The following DMD variants were observed in gnomAD, a reference collection of about 807,000 sequenced individuals.
DMD encodes the protein mutant dystrophin.
In DMD, 63 loss-of-function variants were observed where a neutral mutation model predicts 330.1. The ratio of observed to expected loss-of-function variants is 0.19; its 90% CI spans 0.16 to 0.24. The LOEUF (loss-of-function observed/expected upper bound fraction) is 0.24. DMD is among the 10% of genes least tolerant of loss of function. The pLI is 1.00. For missense variants in DMD, 3,344 were observed against 2,684.1 expected (o/e 1.25, Z -5.43); for synonymous variants, 1,223 against 959.8 (o/e 1.27, Z -5.07).
intron 60 of DMD, among the ~76,000 whole-genome samples, chrX:31,391,820 G>A (rs770607815): frequency 3.6e-4 from 40 of 110,563 alleles, no homozygotes; most frequent in African/African-American, 1.2e-3. Flanking sequence ...GCAGTGAGCC[G>A]AGATCACGCC....
intron 1 of DMD, among the ~76,000 whole-genome samples, chrX:33,108,881 A>AAAAAAAAAG (rs1201118214): frequency 2.0e-5 from 2 of 99,687 alleles, no homozygotes; most frequent in African/African-American, 6.9e-5. Flanking sequence ...AAAAAAAAAA[A>AAAAAAAAAG]AAGAAGAAGA....
intron 60 of DMD, among the ~76,000 whole-genome samples, chrX:31,408,891 C>T (rs1406943954): frequency 9.0e-6 from 1 of 111,609 alleles, no homozygotes; most frequent in African/African-American, 3.3e-5. Flanking sequence ...CCCATTAACT[C>T]ATCATTTAGC....
chrX:31,378,304 A>C (rs757192934), intron 60 of DMD, among the ~76,000 whole-genome samples: 1 of 110,993 alleles, frequency 9.0e-6, no homozygotes, highest in African/African-American at 3.3e-5. Context: ...GGAACATCAC[A>C]CCAATTTTAA....
At chrX:31,616,552 T>C (rs1161688798) in intron 55 of DMD, among the ~76,000 whole-genome samples, 1 of 112,082 alleles carries the variant, frequency 8.9e-6, no homozygotes, top group Non-Finnish European at 1.9e-5. Context: ...GGGAGTCATA[T>C]ATTATTTTCG....
intron 1 of DMD, among the ~76,000 whole-genome samples, chrX:33,052,382 T>C (rs2094467546): frequency 8.9e-6 from 1 of 112,212 alleles, no homozygotes; most frequent in Non-Finnish European, 1.9e-5. Context: ...TTTTCTCCCC[T>C]AGAATTAGCT....
In DMD at chrX:31,343,977, A is replaced by AT. The variant is rs199499654; in HGVS notation, c.9163+4578dup. On this transcript the variant is annotated intron_variant, in intron 61 of 78. Coordinates refer to ENST00000357033, the MANE Select transcript of DMD (RefSeq NM_004006.3). ...GAGATGTCCTGCTTCAAATATGGTG[A>AT]TTTTTTTTTTTTTTTTAAATTTAGG... 8.5e-3 allele frequency among the ~76,000 whole-genome samples: 710 copies of AT among 83,636 alleles called. 8 individuals carry two copies. Among genetic ancestry groups the AT allele is most frequent in the African/African-American group, 0.025 (579 of 23,281 alleles). The allele number at this position is 83,636 out of a possible 115,157, so 72.6% of individuals were successfully genotyped here. A position where few individuals can be genotyped will look rare whatever the true frequency, so the allele number is the denominator to read the frequency against.
At chrX:32,894,589 T>C (rs1232593899) in intron 2 of DMD, among the ~76,000 whole-genome samples, 1 of 112,639 alleles carries the variant, frequency 8.9e-6, no homozygotes, top group Non-Finnish European at 1.9e-5. Context: ...CTCAATCCGC[T>C]GTATGTATGG....
intron 2 of DMD, among the ~76,000 whole-genome samples, chrX:32,927,261 T>G (rs772309678): frequency 9.0e-6 from 1 of 111,148 alleles, no homozygotes; most frequent in South Asian, 3.8e-4. Flanking sequence ...ACTTGGCACA[T>G]GATAGGTTCT....
rs746472001 is a variant in DMD, at chrX:32,655,251, T to C, written c.961-10099A>G. ...TGTTAGGGTGTCAATTTTAGATCTTTCCTGCTTTCTCTTGTGGGCATTCAG... is the reference window on the plus strand; with the variant it reads ...TGTTAGGGTGTCAATTTTAGATCTTCCCTGCTTTCTCTTGTGGGCATTCAG... On this transcript the variant is annotated intron_variant, in intron 9 of 78. Transcript: ENST00000357033. Among the ~76,000 whole-genome samples, 6 of 112,508 alleles carry C rather than the reference T, an allele frequency of 5.3e-5. No individual in the cohort carries two copies. The East Asian group carries it at 1.7e-3, about 32-fold the overall frequency.
intron 62 of DMD, among the ~76,000 whole-genome samples, chrX:31,321,994 C>T (rs1395930356): frequency 9.0e-6 from 1 of 111,575 alleles, no homozygotes; most frequent in Non-Finnish European, 1.9e-5. Flanking sequence ...ACAATGGGAC[C>T]GGGGAGACCC....
intron 44 of DMD, among the ~76,000 whole-genome samples, chrX:32,071,423 C>G (rs1447869125): frequency 9.6e-6 from 1 of 104,659 alleles, no homozygotes; most frequent in African/African-American, 3.5e-5. Context: ...AAACCAAACA[C>G]CGCATGTTCT....
intron 1 of DMD, among the ~76,000 whole-genome samples, chrX:33,308,523 A>G (rs2053797649): frequency 8.9e-6 from 1 of 111,868 alleles, no homozygotes; most frequent in Non-Finnish European, 1.9e-5. Context: ...TTCCACAAAT[A>G]ACTCTTTAAA....
chrX:33,050,491 G>A (rs1394145194), intron 1 of DMD, among the ~76,000 whole-genome samples: 2 of 111,757 alleles, frequency 1.8e-5, no homozygotes, highest in African/African-American at 3.3e-5. Context: ...TATTCTGAAC[G>A]TGTGTACTTG....
chrX:32,519,757 T>C (rs1186352228), intron 17 of DMD, among the ~76,000 whole-genome samples: 2 of 112,299 alleles, frequency 1.8e-5, no homozygotes, highest in East Asian at 5.6e-4. Context: ...AACTCCAGTT[T>C]TGGGACTTTG....
chrX:32,501,985 A>C (rs1261436450), intron 18 of DMD, 143 bp from the exon 19 acceptor site: 9 of 472,233 alleles, frequency 1.9e-5, no homozygotes, highest in African/African-American at 1.7e-4. Context: ...TTTTCTCAAC[A>C]CTTTTGCCAT....
chrX:32,042,054 T>TATAC (rs1236188167), intron 44 of DMD, among the ~76,000 whole-genome samples: 1 of 83,441 alleles, frequency 1.2e-5, no homozygotes, highest in Non-Finnish European at 2.3e-5. Context: ...TATATATATA[T>TATAC]ATATATATAT....
chrX:32,664,248 T>G (rs867617005), intron 9 of DMD, among the ~76,000 whole-genome samples: 1,083 of 100,475 alleles, frequency 0.011, 18 homozygotes, highest in African/African-American at 0.038. Context: ...GTTTTTTTTT[T>G]TTTTTTTTTT....
intron 51 of DMD, among the ~76,000 whole-genome samples, chrX:31,761,900 G>C (rs1470743795): frequency 8.9e-6 from 1 of 112,182 alleles, no homozygotes; most frequent in Admixed American, 9.4e-5. Flanking sequence ...GGCTAGCATA[G>C]CCAGCTGCCT....
chrX:32,331,816 G>A (rs2097681589), intron 41 of DMD, among the ~76,000 whole-genome samples: 1 of 111,667 alleles, frequency 9.0e-6, no homozygotes, highest in South Asian at 3.7e-4. Flanking sequence ...GTAATATGTT[G>A]TATAAATCAC....
Sources: gnomAD v4.1 joint callset for allele counts (sites outside exome capture counted in the v4.1 genomes callset) on GRCh38, gnomAD v4.1.1 for gene constraint, MANE v1.5 for transcripts, NCBI Gene and HGNC (gene_info 2026-07-23, HGNC 2026-07-21) for gene names.